The following NRXN1 variants were observed in gnomAD, a reference collection of about 807,000 sequenced individuals.
NRXN1 encodes the protein neurexin 1.
A neutral mutation model predicts 150.9 loss-of-function variants in NRXN1; 39 were observed. That is an observed-to-expected ratio of 0.26 (90% confidence interval 0.20 to 0.34). NRXN1 has a LOEUF of 0.34. Ranked by LOEUF, NRXN1 falls within the 10% of genes least tolerant of loss-of-function variation. The probability of loss-of-function intolerance (pLI) is 1.00; values close to 1 mark genes in which losing one functional copy is unlikely to be tolerated. For missense variants in NRXN1, 1,815 were observed against 1,949.9 expected (o/e 0.93, Z 1.30); for synonymous variants, 924 against 757.0 (o/e 1.22, Z -3.62).
chr2:50,471,797 G>C (rs914851504), intron 16 of NRXN1, among the ~76,000 whole-genome samples: 1 of 151,736 alleles, frequency 6.6e-6, no homozygotes, highest in African/African-American at 2.4e-5. Flanking sequence ...CTTAATACTT[G>C]AGTGGCAAAA....
intron 17 of NRXN1, among the ~76,000 whole-genome samples, chr2:50,433,900 A>C (rs2085191249): frequency 6.6e-6 from 1 of 152,108 alleles, no homozygotes; most frequent in Non-Finnish European, 1.5e-5. Flanking sequence ...TCTCTTGGCC[A>C]CAAAACTCCT....
rs1408882972 is a variant in NRXN1 at position 50,081,867 on chromosome 2, G to C, written c.3718+9456C>G. 2.6e-5 allele frequency among the ~76,000 whole-genome samples: 4 copies of C among 152,088 alleles called. No individual in the cohort carries two copies. The South Asian group carries it at 6.2e-4, about 24-fold the overall frequency. On this transcript the variant is annotated intron_variant, in intron 19 of 22. Coordinates refer to ENST00000401669, the MANE Select transcript of NRXN1 (RefSeq NM_001330078.2). The stretch of plus-strand genomic sequence containing the variant: ...TATTACGAGAAAGGCTTGTCATTGA[G>C]TTGGGAATGTGACTTCTTCTTCCAT...
intron 18 of NRXN1, among the ~76,000 whole-genome samples, chr2:50,104,983 T>C (rs1423213728): frequency 6.6e-6 from 1 of 152,038 alleles, no homozygotes; most frequent in Non-Finnish European, 1.5e-5. Context: ...TTGAGGATGT[T>C]TAAAACTCAA....
intron 2 of NRXN1, among the ~76,000 whole-genome samples, chr2:50,984,156 T>G (rs1697306187): frequency 7.1e-6 from 1 of 140,196 alleles, no homozygotes; most frequent in Non-Finnish European, 1.5e-5. Flanking sequence ...TTTTTTTTTT[T>G]TTTTTTTTAG....
chr2:50,513,919 C>G (rs917295282), intron 12 of NRXN1, among the ~76,000 whole-genome samples: 1 of 152,116 alleles, frequency 6.6e-6, no homozygotes, highest in Non-Finnish European at 1.5e-5. Flanking sequence ...CTTTAGGTAG[C>G]TTTCTCCCTC....
chr2:50,494,036 C>T (rs2091418613), intron 15 of NRXN1, among the ~76,000 whole-genome samples: 1 of 152,176 alleles, frequency 6.6e-6, no homozygotes, highest in Non-Finnish European at 1.5e-5. Flanking sequence ...AGTACCCCCA[C>T]CAGAAAGAAT....
At chr2:50,496,547 T>C (rs966563009) in intron 14 of NRXN1, among the ~76,000 whole-genome samples, 16 of 152,148 alleles carry the variant, frequency 1.1e-4, no homozygotes, top group African/African-American at 3.9e-4. Context: ...CTGCTCCACA[T>C]GTTTTTCTAA....
At chr2:50,987,993 A>G (rs1415583801) in intron 2 of NRXN1, among the ~76,000 whole-genome samples, 1 of 152,020 alleles carries the variant, frequency 6.6e-6, no homozygotes, top group Non-Finnish European at 1.5e-5. Context: ...TATTCAATTC[A>G]GAAAATCCAT....
intron 17 of NRXN1, among the ~76,000 whole-genome samples, chr2:50,313,485 C>T (rs551602204): frequency 2.6e-5 from 4 of 152,224 alleles, no homozygotes; most frequent in African/African-American, 9.6e-5. Context: ...AAGCTGTGAG[C>T]CCTGAAGTCA....
chr2:50,650,306 G>C (rs1039935002), intron 5 of NRXN1, among the ~76,000 whole-genome samples: 3 of 152,012 alleles, frequency 2.0e-5, no homozygotes, highest in Admixed American at 1.3e-4. Context: ...AGAGCAAGTG[G>C]TATATGACTC....
intron 2 of NRXN1, among the ~76,000 whole-genome samples, chr2:50,966,308 G>C (rs964804897): frequency 2.7e-5 from 4 of 150,080 alleles, no homozygotes; most frequent in Admixed American, 2.0e-4. Context: ...AAATCATGGC[G>C]CCACATCAGC....
chr2:50,057,429 A>G (rs1693826493), intron 19 of NRXN1, among the ~76,000 whole-genome samples: 1 of 152,182 alleles, frequency 6.6e-6, no homozygotes, highest in South Asian at 2.1e-4. Flanking sequence ...CCCAGAAGGT[A>G]TTCCCTGATG....
intron 17 of NRXN1, among the ~76,000 whole-genome samples, chr2:50,455,248 G>C (rs909202789): frequency 6.6e-6 from 1 of 152,114 alleles, no homozygotes; most frequent in Non-Finnish European, 1.5e-5. Flanking sequence ...ATAGTGGAGA[G>C]AGAATTTTCC....
At chr2:50,604,224 T>G (rs1174192113) in intron 8 of NRXN1, among the ~76,000 whole-genome samples, 2 of 152,184 alleles carry the variant, frequency 1.3e-5, no homozygotes, top group Non-Finnish European at 2.9e-5. Context: ...GCAGCCTTGA[T>G]TAGGGTGAAG....
chr2:50,762,213 T>C (rs1257245677), intron 5 of NRXN1, among the ~76,000 whole-genome samples: 2 of 151,762 alleles, frequency 1.3e-5, no homozygotes, highest in Non-Finnish European at 2.9e-5. Flanking sequence ...GATCATAGCA[T>C]GCTACACAGC....
At chr2:50,548,634 C>A (rs545946949) in intron 9 of NRXN1, among the ~76,000 whole-genome samples, 19 of 151,744 alleles carry the variant, frequency 1.3e-4, no homozygotes, top group Non-Finnish European at 2.5e-4. Flanking sequence ...TACTGAACAA[C>A]TGCTATACCC....
intron 17 of NRXN1, among the ~76,000 whole-genome samples, chr2:50,298,923 T>A (rs768277155): frequency 6.6e-6 from 1 of 152,180 alleles, no homozygotes; most frequent in African/African-American, 2.4e-5. Context: ...TAGTACATGC[T>A]CTCTGCGGAT....
intron 8 of NRXN1, among the ~76,000 whole-genome samples, chr2:50,613,463 G>A (rs1462145539): frequency 6.6e-6 from 1 of 152,162 alleles, no homozygotes; most frequent in East Asian, 1.9e-4. Flanking sequence ...AGTGCATACT[G>A]ATCCTACATG....
intron 17 of NRXN1, among the ~76,000 whole-genome samples, chr2:50,365,109 CT>C (rs952072820): frequency 6.6e-5 from 10 of 151,144 alleles, no homozygotes; most frequent in East Asian, 5.8e-4. Flanking sequence ...ATACATGAAG[CT>C]TTTTTTTTCT....
Sources: gnomAD v4.1 joint callset for allele counts (sites outside exome capture counted in the v4.1 genomes callset) on GRCh38, gnomAD v4.1.1 for gene constraint, MANE v1.5 for transcripts, NCBI Gene and HGNC (gene_info 2026-07-23, HGNC 2026-07-21) for gene names.